The following WDR33 variants were observed in gnomAD, a reference collection of about 807,000 sequenced individuals.
WDR33 encodes pre-mRNA 3' end processing protein WDR33.
Under a neutral mutation model 164.9 loss-of-function variants are expected in WDR33, and 47 were observed. That is an observed-to-expected ratio of 0.29 (90% CI 0.23 to 0.36). The LOEUF (loss-of-function observed/expected upper bound fraction) is 0.36, where lower values mean the gene tolerates loss of function less well. WDR33 is among the 10% of genes least tolerant of loss of function. WDR33 has a pLI of 1.00. For synonymous variants in WDR33, 505 were observed against 589.0 expected (o/e 0.86, Z 2.06); for missense variants, 1,137 against 1,754.1 (o/e 0.65, Z 6.28).
intron 4 of WDR33, among the ~76,000 whole-genome samples, chr2:127,766,597 C>A (rs1264265453): frequency 6.6e-6 from 1 of 152,142 alleles, no homozygotes; most frequent in African/African-American, 2.4e-5. Context: ...CAAATGAGAA[C>A]ATTTACCCAC....
intron 1 of WDR33, among the ~76,000 whole-genome samples, chr2:127,772,413 T>C (rs1688038747): frequency 6.6e-6 from 1 of 151,626 alleles, no homozygotes; most frequent in South Asian, 2.1e-4. Context: ...CACTCCAGCC[T>C]GGGCGACAAG....
rs1345193669 is a variant in WDR33, at chr2:127,712,153, T to G, written c.3308+1430A>C. 1.3e-5 allele frequency among the ~76,000 whole-genome samples: 2 copies of G among 151,042 alleles called. No individual in the cohort carries two copies. Among genetic ancestry groups the G allele is most frequent in the African/African-American group, 2.4e-5 (1 of 41,160 alleles). On this transcript the variant is annotated intron_variant, in intron 18 of 21. Coordinates refer to ENST00000322313, the MANE Select transcript of WDR33 (RefSeq NM_018383.5). The surrounding 1 kb of genome is among the most constrained non-coding windows in gnomAD (Gnocchi z 4.0). ...GCTCACGCCTATAATCCCTGCACTC[T>G]GGGGGGGCTGAAGAACGTGGATCAC...
intron 7 of WDR33, among the ~76,000 whole-genome samples, chr2:127,756,433 T>TTAC (rs1687524167): frequency 6.6e-6 from 1 of 150,920 alleles, no homozygotes; most frequent in Admixed American, 6.6e-5. Flanking sequence ...TTGACAAAAC[T>TTAC]TACTATATTA....
rs962682194 is a variant in WDR33, at chr2:127,717,878, A to G, written c.2761-615T>C. Among the ~76,000 whole-genome samples the G allele has an allele frequency of 1.1e-4, 16 of 152,216 alleles. No homozygotes were observed. The highest frequency in any genetic ancestry group is 3.9e-4 in the African/African-American group (16 of 41,446). ...ATATTTCAGTTATAACACAGTAGCT[A>G]AAGTCCATTATTTTTTTAATCCTCC... On this transcript the variant is annotated intron_variant, in intron 16 of 21. Coordinates refer to ENST00000322313, the MANE Select transcript of WDR33 (RefSeq NM_018383.5). The surrounding 1 kb of genome is among the most constrained non-coding windows in gnomAD (Gnocchi z 5.6).
chr2:127,786,753 T>C (rs117487225), intron 1 of WDR33, among the ~76,000 whole-genome samples: 5,793 of 152,160 alleles, frequency 0.038, 250 homozygotes, highest in South Asian at 0.17. Context: ...ACTCAATTTA[T>C]TCTAGAAGCT....
intron 1 of WDR33, chr2:127,799,137 T>C (rs1264618470): frequency 6.6e-6 from 1 of 152,120 alleles, no homozygotes; most frequent in Non-Finnish European, 1.5e-5. Context: ...GCTTAACCAA[T>C]TGCCAACTGC....
At chr2:127,787,743 C>G in intron 1 of WDR33, among the ~76,000 whole-genome samples, 1 of 78,544 alleles carries the variant, frequency 1.3e-5, no homozygotes, top group African/African-American at 6.0e-5. Context: ...CCGGACGGGG[C>G]GGCTGGCCGG....
intron 1 of WDR33, among the ~76,000 whole-genome samples, chr2:127,791,005 C>T (rs1164061056): frequency 2.0e-5 from 3 of 151,694 alleles, no homozygotes; most frequent in African/African-American, 7.3e-5. Context: ...CCCTCCTTAA[C>T]CTCTCCCCAT....
In WDR33 at chr2:127,711,774, A is replaced by ATTTTTTT. The variant is rs1382438028; in HGVS notation, c.3308+1808_3308+1809insAAAAAAA. ...CAGATATATATATATATATATATATATATATATTTTTTTTTTGAGACAGAG... is the reference window on the plus strand; with the variant it reads ...CAGATATATATATATATATATATATATTTTTTTTATATATTTTTTTTTTGAGACAGAG... On this transcript the variant is annotated intron_variant, in intron 18 of 21. Transcript: ENST00000322313. Among the ~76,000 whole-genome samples, 267 of 93,308 alleles carry ATTTTTTT rather than the reference A, an allele frequency of 2.9e-3. 14 individuals are homozygous for ATTTTTTT. The highest frequency in any genetic ancestry group is 0.015 in the South Asian group (37 of 2,404). 61.2% of individuals were successfully genotyped at this position (93,308 alleles called of 152,430 possible).
In WDR33 at chr2:127,780,651, G is replaced by A. The variant is rs575039960; in HGVS notation, c.-23-9647C>T. On this transcript the variant is annotated intron_variant, in intron 1 of 21. Transcript: ENST00000322313. The stretch of plus-strand genomic sequence containing the variant: ...GGCCAAGGTGGGAGGATCACTTGAG[G>A]CCAGGATTTGGAGACCAGCCAACAC... Among the ~76,000 whole-genome samples, 4 of 152,136 alleles carry A rather than the reference G, an allele frequency of 2.6e-5. No homozygotes were observed. The South Asian group carries it at 8.3e-4, about 32-fold the overall frequency.
chr2:127,807,348 T>C (rs536878148), intron 1 of WDR33, among the ~76,000 whole-genome samples: 85 of 152,236 alleles, frequency 5.6e-4, no homozygotes, highest in South Asian at 2.9e-3. Flanking sequence ...GAATATTCCA[T>C]ATACCAAAAA....
At position 127,770,030 on chromosome 2, in the gene WDR33, T is replaced by C. The variant is rs543479166; in HGVS notation, c.204+748A>G. 3.3e-5 allele frequency among the ~76,000 whole-genome samples: 5 copies of C among 152,276 alleles called. No individual in the cohort carries two copies. The East Asian group carries it at 9.6e-4, about 29-fold the overall frequency. ...AAGCCCTTTTCCTGACTCTAAGAAA[T>C]ACCTACCACCAGGGCTTGGAAGTGG... is the stretch of plus-strand genomic sequence containing the variant. On this transcript the variant is annotated intron_variant, in intron 2 of 21. Transcript: ENST00000322313. The surrounding 1 kb of genome is among the most constrained non-coding windows in gnomAD (Gnocchi z 4.9).
At position 127,722,468 on chromosome 2, in the gene WDR33, C is replaced by T. The variant is rs532246175; in HGVS notation, c.1518+123G>A. The stretch of plus-strand genomic sequence containing the variant: ...TAGATGAGAACCATGTCTAAGAGTA[C>T]GTGAACATGGGAAAAATGCTCCAGT... On this transcript the variant is annotated intron_variant, in intron 14 of 21. Transcript: ENST00000322313. The surrounding 1 kb of genome is among the most constrained non-coding windows in gnomAD (Gnocchi z 5.1). 5.2e-5 allele frequency: 70 copies of T among 1,350,620 alleles called. 1 individual carries two copies. The highest frequency in any genetic ancestry group is 3.8e-4 in the South Asian group (26 of 67,902). The allele number at this position is 1,350,620 out of a possible 1,614,324, so 83.7% of individuals were successfully genotyped here.
At chr2:127,762,916 C>T (rs1687720014) in intron 7 of WDR33, 146 bp downstream of exon 7, 2 of 1,431,080 alleles carry the variant, frequency 1.4e-6, no homozygotes, top group Non-Finnish European at 1.8e-6. Flanking sequence ...AGAGAAAGTG[C>T]TGGGTTTTTT....
Position 127,726,839 on chromosome 2 carries a change from C to T in WDR33, c.725-62G>A, listed in dbSNP as rs1389791110. 3 of 1,588,280 alleles carry T rather than the reference C, an allele frequency of 1.9e-6. No individual in the cohort carries two copies. The highest frequency in any genetic ancestry group is 2.2e-5 in the East Asian group (1 of 44,564). On this transcript the variant is annotated intron_variant, in intron 7 of 21. Coordinates refer to ENST00000322313, the MANE Select transcript of WDR33 (RefSeq NM_018383.5). This position sits in a 1 kb window ranked among gnomAD's most constrained non-coding sequence, Gnocchi z 4.8. ...TACATGCATTTAAAGCAATTTAAAC[C>T]AAAGTAGAGAAACCTAGTAAATGTT... is the stretch of plus-strand genomic sequence containing the variant.
At position 127,701,771 on chromosome 2, in the gene WDR33, C is replaced by T. The variant is rs2105363769; in HGVS notation, c.*4552G>A. 2.8e-6 allele frequency: 4 copies of T among 1,427,434 alleles called. No homozygotes were observed. Among genetic ancestry groups the T allele is most frequent in the African/African-American group, 1.5e-5 (1 of 67,226 alleles). The allele number at this position is 1,427,434 out of a possible 1,614,324, so 88.4% of individuals were successfully genotyped here. A position where few individuals can be genotyped will look rare whatever the true frequency, so the allele number is the denominator to read the frequency against. ...GCGGGCAGCGGCTGGCGGCGGGCGG[C>T]GGGTGCCTGCTGCTGGCTGCACTGT... On this transcript the variant is annotated 3_prime_UTR_variant, in exon 22 of 22. Transcript: ENST00000322313.
In WDR33 at chr2:127,719,788, G is replaced by A. The variant is rs1279963053; in HGVS notation, c.2237C>T (p.Pro746Leu). 2 of 1,613,734 alleles carry A rather than the reference G, an allele frequency of 1.2e-6. No homozygotes were observed. Among genetic ancestry groups the A allele is most frequent in the Non-Finnish European group, 1.7e-6 (2 of 1,179,994 alleles). ...ATGAGGAGGCCCTTGCATTCCTCTG[G>A]GACCAGGTGGTCCCTGCATACCTTG... Reference protein sequence around the residue: ...GTQGMQGPPGPRGMQGPPHPH... With the variant: ...GTQGMQGPPGLRGMQGPPHPH... The change falls in exon 16 of 22, where the codon CCC (proline) becomes CTC (leucine). Residue 746 changes from proline to leucine, a missense_variant. Physicochemically the swap from Pro to Leu is moderately conservative, Grantham distance 98. This residue lies in a region of WDR33 where 867 missense variants were observed against 1,073.0 expected (regional missense o/e 0.81). Coordinates refer to ENST00000322313, the MANE Select transcript of WDR33 (RefSeq NM_018383.5). This position sits in a 1 kb window ranked among gnomAD's most constrained non-coding sequence, Gnocchi z 6.5.
At position 127,712,169 on chromosome 2, in the gene WDR33, C is replaced by G. The variant is rs541368898; in HGVS notation, c.3308+1414G>C. ...CCTGCACTCTGGGGGGGCTGAAGAA[C>G]GTGGATCACTTGAGGTCAGGAGTTC... is the stretch of plus-strand genomic sequence containing the variant. On this transcript the variant is annotated intron_variant, in intron 18 of 21. Transcript: ENST00000322313. This position sits in a 1 kb window ranked among gnomAD's most constrained non-coding sequence, Gnocchi z 4.0. Among the ~76,000 whole-genome samples the G allele has an allele frequency of 1.3e-5, 2 of 151,894 alleles. No homozygotes were observed. The highest frequency in any genetic ancestry group is 1.3e-4 in the Admixed American group (2 of 15,282).
chr2:127,728,836 A>G (rs1426568554), intron 7 of WDR33, among the ~76,000 whole-genome samples: 1 of 152,230 alleles, frequency 6.6e-6, no homozygotes, highest in Non-Finnish European at 1.5e-5. Flanking sequence ...CATATTCTTA[A>G]CAGCCGTCTC....
Sources: allele counts gnomAD v4.1 joint callset (sites outside exome capture counted in the v4.1 genomes callset), GRCh38; gene constraint gnomAD v4.1.1; regional missense constraint gnomAD v4.1.1; non-coding constraint Gnocchi (gnomAD v3.1); transcripts MANE v1.5; gene names NCBI Gene and HGNC (gene_info 2026-07-23, HGNC 2026-07-21).